The following CNBP variants were observed in gnomAD, a reference collection of about 807,000 sequenced individuals.
The protein encoded by CNBP is CCHC-type zinc finger nucleic acid binding protein, also known as cellular nucleic acid-binding protein.
CNBP carries 6 observed loss-of-function variants against 21.2 expected under a neutral mutation model. The observed-to-expected ratio is 0.28, with a 90% CI of 0.16 to 0.56. The LOEUF (loss-of-function observed/expected upper bound fraction) is 0.56. Among genes scored for constraint, CNBP ranks in the 20% least tolerant of loss-of-function variants. CNBP has a pLI of 0.93. For synonymous variants in CNBP, 61 were observed against 74.9 expected (o/e 0.81, Z 0.96); for missense variants, 112 against 233.1 (o/e 0.48, Z 3.38).
intron 1 of CNBP, among the ~76,000 whole-genome samples, chr3:129,181,410 T>C (rs1377707933): frequency 6.6e-6 from 1 of 150,570 alleles, no homozygotes; most frequent in African/African-American, 2.4e-5. Flanking sequence ...TCCTAGCACT[T>C]TGAGAGGCCG....
At chr3:129,180,777 T>TA (rs60096061) in intron 1 of CNBP, among the ~76,000 whole-genome samples, 4 of 151,296 alleles carry the variant, frequency 2.6e-5, no homozygotes, top group South Asian at 4.2e-4. Context: ...TTTTTTTTTT[T>TA]AATTTTTCAT....
At chr3:129,176,287 C>A (rs531567829) in intron 1 of CNBP, among the ~76,000 whole-genome samples, 7 of 152,266 alleles carry the variant, frequency 4.6e-5, no homozygotes, top group Non-Finnish European at 8.8e-5. Flanking sequence ...CCAACCTTCA[C>A]GGGCCAACTC....
intron 3 of CNBP, 68 bp from the exon 4 acceptor site, chr3:129,171,345 A>C: frequency 6.2e-7 from 1 of 1,602,144 alleles, no homozygotes. Flanking sequence ...GTTTTAAATT[A>C]TACAATACAA....
intron 4 of CNBP, 83 bp downstream of exon 4, chr3:129,170,996 T>G (rs1314524286): frequency 7.1e-7 from 1 of 1,406,700 alleles, no homozygotes; most frequent in African/African-American, 1.4e-5. Flanking sequence ...CTGAATTTAC[T>G]AAGGCCCTTC....
intron 1 of CNBP, among the ~76,000 whole-genome samples, chr3:129,174,754 T>C (rs1015182826): frequency 5.3e-5 from 8 of 152,054 alleles, no homozygotes; most frequent in Non-Finnish European, 5.9e-5. Context: ...TCTTCTCCAA[T>C]TTAGTCAGAT....
At chr3:129,173,217 A>T (rs566597749) in intron 1 of CNBP, among the ~76,000 whole-genome samples, 1 of 152,288 alleles carries the variant, frequency 6.6e-6, no homozygotes, top group African/African-American at 2.4e-5. Flanking sequence ...CAGCATTTAC[A>T]TTGTGTTAGG....
chr3:129,182,686 A>T (rs1044676013), intron 1 of CNBP, among the ~76,000 whole-genome samples: 11 of 152,112 alleles, frequency 7.2e-5, no homozygotes, highest in Non-Finnish European at 2.9e-5. Context: ...AGGTTTGACA[A>T]ATTCGTGTTT....
In CNBP at chr3:129,169,323, T is replaced by C. The variant is rs1937528858; in HGVS notation, c.*1130A>G. 3.3e-5 allele frequency among the ~76,000 whole-genome samples: 5 copies of C among 152,090 alleles called. No homozygotes were observed. The highest frequency in any genetic ancestry group is 3.3e-4 in the Admixed American group (5 of 15,268). ...AAAACCACCACCACCAAAAAACCTG[T>C]TCAGACTGAACACAGAACTCAAGGG... On this transcript the variant is annotated 3_prime_UTR_variant, in exon 5 of 5. Coordinates refer to ENST00000422453, the MANE Select transcript of CNBP (RefSeq NM_003418.5).
chr3:129,178,003 A>G (rs1212094946), intron 1 of CNBP, among the ~76,000 whole-genome samples: 4 of 152,082 alleles, frequency 2.6e-5, no homozygotes, highest in African/African-American at 9.7e-5. Flanking sequence ...TACTAAAAAT[A>G]CAAAAATTAG....
rs1560034664 is a variant in CNBP, at chr3:129,172,616, A to AGGCAGGCAGGCAGG, written c.-14-846_-14-845insCCTGCCTGCCTGCC. 1.2e-4 allele frequency among the ~76,000 whole-genome samples: 6 copies of AGGCAGGCAGGCAGG among 49,432 alleles called. 1 individual carries two copies. Among genetic ancestry groups the AGGCAGGCAGGCAGG allele is most frequent in the African/African-American group, 3.2e-4 (6 of 18,630 alleles). The allele number at this position is 49,432 out of a possible 152,430, so 32.4% of individuals were successfully genotyped here. A position where few individuals can be genotyped will look rare whatever the true frequency, so the allele number is the denominator to read the frequency against. ...GGCAGGCAGGCAGGCAGACAGGCAGACAGGCAGCCAGGCAGGCAGGCAGGC... is the reference window on the plus strand; with the variant it reads ...GGCAGGCAGGCAGGCAGACAGGCAGAGGCAGGCAGGCAGGCAGGCAGCCAGGCAGGCAGGCAGGC... On this transcript the variant is annotated intron_variant, in intron 1 of 4. Transcript: ENST00000422453.
intron 1 of CNBP, among the ~76,000 whole-genome samples, chr3:129,174,778 T>C (rs1937787085): frequency 6.6e-6 from 1 of 152,186 alleles, no homozygotes; most frequent in Non-Finnish European, 1.5e-5. Flanking sequence ...CTTGAGCTCA[T>C]TTAACTATTG....
intron 1 of CNBP, among the ~76,000 whole-genome samples, chr3:129,178,172 A>AT (rs1406542394): frequency 1.7e-4 from 26 of 151,214 alleles, no homozygotes; most frequent in Non-Finnish European, 2.2e-4. Flanking sequence ...AAAAAAAAAA[A>AT]AAAAAAATAA....
chr3:129,171,080 T>C lies in CNBP; in HGVS notation c.415A>G (p.Arg139Gly). ...TCTAACAACATTCTGACACCTTACC[T>C]ATAGCACTTCACTTTGGTGCAGTCT... ...QKDCTKVKCY[R>G]CGETGHVAIN... Residue 139 changes from arginine to glycine, a missense_variant and splice_region_variant, in exon 4 of 5, where the codon AGG (arginine) becomes GGG (glycine). By Grantham distance (125) the Arg-to-Gly change is moderately radical. Transcript: ENST00000422453. 6.2e-7 allele frequency: 1 copy of C among 1,612,770 alleles called. No individual in the cohort carries two copies. The highest frequency in any genetic ancestry group is 1.1e-5 in the South Asian group (1 of 91,066).
At chr3:129,180,085 A>G (rs952413447) in intron 1 of CNBP, among the ~76,000 whole-genome samples, 2 of 152,132 alleles carry the variant, frequency 1.3e-5, no homozygotes, top group Non-Finnish European at 1.5e-5. Flanking sequence ...CAAAAATGCT[A>G]TTGTGTAATA....
intron 1 of CNBP, among the ~76,000 whole-genome samples, chr3:129,182,261 T>C (rs1481196384): frequency 6.6e-6 from 1 of 152,332 alleles, no homozygotes. Flanking sequence ...AAGATGGGGA[T>C]ATTCATTAGA....
At chr3:129,176,678 A>C (rs1462159027) in intron 1 of CNBP, among the ~76,000 whole-genome samples, 1 of 152,198 alleles carries the variant, frequency 6.6e-6, no homozygotes, top group Non-Finnish European at 1.5e-5. Context: ...GTACTCACTA[A>C]GGACTGACTA....
chr3:129,172,821 C>G (rs186762397), intron 1 of CNBP, among the ~76,000 whole-genome samples: 49 of 151,744 alleles, frequency 3.2e-4, no homozygotes, highest in African/African-American at 1.2e-3. Context: ...TTATTTTGGG[C>G]AAATAGAAGT....
chr3:129,181,546 G>C (rs770228949), intron 1 of CNBP, among the ~76,000 whole-genome samples: 48 of 149,616 alleles, frequency 3.2e-4, no homozygotes, highest in Non-Finnish European at 6.2e-4. Flanking sequence ...AGCTACTTCG[G>C]AGGCTGAGGC....
chr3:129,183,433 G>A (rs140944856), intron 1 of CNBP, among the ~76,000 whole-genome samples: 43 of 152,250 alleles, frequency 2.8e-4, no homozygotes, highest in Non-Finnish European at 4.3e-4. Context: ...CCCTCATTCC[G>A]CGACCCTCGA....
Sources: allele counts gnomAD v4.1 joint callset (sites outside exome capture counted in the v4.1 genomes callset), GRCh38; gene constraint gnomAD v4.1.1; transcripts MANE v1.5; gene names NCBI Gene and HGNC (gene_info 2026-07-23, HGNC 2026-07-21).